The following DLG2 variants were observed in gnomAD, a reference collection of about 807,000 sequenced individuals.
The protein encoded by DLG2 is discs large MAGUK scaffold protein 2.
In DLG2, 45 loss-of-function variants were observed where a neutral mutation model predicts 132.5. That is an observed-to-expected ratio of 0.34 (90% CI 0.27 to 0.44). The LOEUF is 0.44. Among genes scored for constraint, DLG2 ranks in the 20% least tolerant of loss-of-function variants. The pLI is 1.00. For missense variants in DLG2, 1,045 were observed against 1,196.9 expected (o/e 0.87, Z 1.87); for synonymous variants, 424 against 419.6 (o/e 1.01, Z -0.13).
At chr11:85,020,993 T>C (rs2060015849) in intron 6 of DLG2, 2 of 778,470 alleles carry the variant, frequency 2.6e-6, no homozygotes, top group Non-Finnish European at 4.8e-6. Context: ...GCTCCTCTTC[T>C]GACTTATTAT....
chr11:83,930,149 C>G (rs2079867523), intron 15 of DLG2, among the ~76,000 whole-genome samples, 179 bp downstream of exon 15: 2 of 152,054 alleles, frequency 1.3e-5, no homozygotes. Context: ...GGGAATAAAA[C>G]AAAACAAAAA....
intron 7 of DLG2, among the ~76,000 whole-genome samples, chr11:84,292,889 A>C (rs1384524510): frequency 6.6e-6 from 1 of 152,138 alleles, no homozygotes; most frequent in Admixed American, 6.6e-5. Context: ...AAATACAATA[A>C]AACTAACAAT....
intron 3 of DLG2, among the ~76,000 whole-genome samples, chr11:85,387,694 C>T (rs1415844401): frequency 6.6e-6 from 1 of 152,190 alleles, no homozygotes; most frequent in Non-Finnish European, 1.5e-5. Context: ...AGGGCATCCT[C>T]TTACTTTCTG....
chr11:84,922,533 C>CCCA (rs1470628628), intron 6 of DLG2, among the ~76,000 whole-genome samples: 1 of 152,110 alleles, frequency 6.6e-6, no homozygotes, highest in African/African-American at 2.4e-5. Flanking sequence ...AAGCAACCAG[C>CCCA]CCACCCAGAG....
At chr11:84,273,937 T>G (rs1349711458) in intron 7 of DLG2, among the ~76,000 whole-genome samples, 1 of 152,136 alleles carries the variant, frequency 6.6e-6, no homozygotes, top group African/African-American at 2.4e-5. Context: ...TAAGAGTAAC[T>G]AGAAGAACTT....
intron 8 of DLG2, among the ~76,000 whole-genome samples, chr11:84,181,627 C>T (rs2096130485): frequency 6.6e-6 from 1 of 151,784 alleles, no homozygotes; most frequent in Non-Finnish European, 1.5e-5. Flanking sequence ...ATGTTGTCTA[C>T]AAGAAAAACA....
intron 6 of DLG2, among the ~76,000 whole-genome samples, chr11:84,606,007 T>C (rs1349998821): frequency 2.0e-5 from 3 of 152,060 alleles, no homozygotes; most frequent in African/African-American, 7.2e-5. Flanking sequence ...TTTCTCCTCT[T>C]AAGGCACTGA....
At chr11:83,556,757 A>G (rs1307195749) in intron 19 of DLG2, among the ~76,000 whole-genome samples, 1 of 152,236 alleles carries the variant, frequency 6.6e-6, no homozygotes, top group Non-Finnish European at 1.5e-5. Context: ...CAGCTCTGAT[A>G]GAAGTGTATA....
At chr11:84,952,471 C>G (rs1005630294) in intron 6 of DLG2, among the ~76,000 whole-genome samples, 1 of 151,916 alleles carries the variant, frequency 6.6e-6, no homozygotes, top group East Asian at 1.9e-4. Flanking sequence ...GAGCGGAGAT[C>G]GCGCCACAGC....
intron 6 of DLG2, among the ~76,000 whole-genome samples, chr11:84,962,365 A>G (rs1227262422): frequency 6.6e-6 from 1 of 152,244 alleles, no homozygotes; most frequent in African/African-American, 2.4e-5. Context: ...TATCGGACAG[A>G]TTGTGATTCC....
intron 7 of DLG2, among the ~76,000 whole-genome samples, chr11:84,511,454 T>A (rs992726978): frequency 6.6e-6 from 1 of 152,162 alleles, no homozygotes; most frequent in Non-Finnish European, 1.5e-5. Flanking sequence ...TGATAATATT[T>A]ATACTTCAGG....
intron 6 of DLG2, among the ~76,000 whole-genome samples, chr11:85,041,983 T>C (rs1032851341): frequency 1.3e-5 from 2 of 151,848 alleles, no homozygotes; most frequent in Non-Finnish European, 2.9e-5. Context: ...GGGTACAACG[T>C]ACACTATTCC....
intron 9 of DLG2, among the ~76,000 whole-genome samples, chr11:84,152,250 T>C (rs567927586): frequency 4.6e-5 from 7 of 152,318 alleles, no homozygotes; most frequent in Non-Finnish European, 7.4e-5. Context: ...ATATTTAGGA[T>C]AGTTAAGTCC....
chr11:84,025,897 CAT>C (rs1378732007), intron 11 of DLG2, among the ~76,000 whole-genome samples: 1 of 151,856 alleles, frequency 6.6e-6, no homozygotes, highest in African/African-American at 2.4e-5. Flanking sequence ...ATATTGACAA[CAT>C]GTTTCCAAGA....
chr11:83,694,683 C>T (rs1331815566), intron 18 of DLG2, among the ~76,000 whole-genome samples: 2 of 152,164 alleles, frequency 1.3e-5, no homozygotes, highest in Non-Finnish European at 2.9e-5. Context: ...CCAGATGGAG[C>T]AGTAGCATTT....
chr11:84,282,795 T>C (rs574982150), intron 7 of DLG2, among the ~76,000 whole-genome samples: 2 of 152,308 alleles, frequency 1.3e-5, no homozygotes, highest in South Asian at 2.1e-4. Context: ...AATTTAGCTG[T>C]AAGATCTTGG....
At chr11:83,702,952 G>A (rs1006373751) in intron 18 of DLG2, among the ~76,000 whole-genome samples, 3 of 152,198 alleles carry the variant, frequency 2.0e-5, no homozygotes, top group Non-Finnish European at 2.9e-5. Flanking sequence ...CAGTTCTTCC[G>A]AAAAGCACTG....
At chr11:83,721,175 T>C (rs1389090820) in intron 18 of DLG2, among the ~76,000 whole-genome samples, 1 of 152,178 alleles carries the variant, frequency 6.6e-6, no homozygotes, top group Non-Finnish European at 1.5e-5. Flanking sequence ...GGCCAAGCTA[T>C]AAGGACACTT....
chr11:83,860,176 G>T (rs953453619), intron 16 of DLG2, among the ~76,000 whole-genome samples: 1 of 152,188 alleles, frequency 6.6e-6, no homozygotes, highest in Non-Finnish European at 1.5e-5. Context: ...AGTCCATACT[G>T]GGGCACCACC....
Sources: allele counts gnomAD v4.1 joint callset (sites outside exome capture counted in the v4.1 genomes callset), GRCh38; gene constraint gnomAD v4.1.1; transcripts MANE v1.5; gene names NCBI Gene and HGNC (gene_info 2026-07-23, HGNC 2026-07-21).